MACC1: variants seen among roughly 807,000 people sequenced by gnomAD.
The protein encoded by MACC1 is MET transcriptional regulator MACC1, also known as metastasis-associated in colon cancer protein 1.
A neutral mutation model predicts 70.7 loss-of-function variants in MACC1; 79 were observed. The ratio of observed to expected loss-of-function variants is 1.12; its 90% confidence interval spans 0.93 to 1.35. The LOEUF (loss-of-function observed/expected upper bound fraction) is 1.35, where lower values mean the gene tolerates loss of function less well. Among genes scored for constraint, MACC1 ranks in the 40% most tolerant of loss-of-function variants. The pLI is 0.00. For synonymous variants in MACC1, 361 were observed against 347.2 expected (o/e 1.04, Z -0.44); for missense variants, 1,106 against 978.1 (o/e 1.13, Z -1.74).
chr7:20,191,114 C>T (rs1483979779), intron 1 of MACC1, among the ~76,000 whole-genome samples: 1 of 152,146 alleles, frequency 6.6e-6, no homozygotes, highest in Non-Finnish European at 1.5e-5. Context: ...ACTCCGAGTC[C>T]AGTAAGGCAG....
chr7:20,158,437 G>C lies in MACC1; in HGVS notation c.1924C>G (p.Pro642Ala). ...TAGATATAAGTCAATTTTTTTAAAG[G>C]CAGGACAATCTGTTCAAGAAGATTT... Reference protein sequence around the residue: ...TRNLLEQIVLPLKKLTYIYSV... With the variant: ...TRNLLEQIVLALKKLTYIYSV... Residue 642 changes from proline to alanine, a missense_variant, in exon 5 of 7, where the codon CCT (proline) becomes GCT (alanine). Transcript: ENST00000400331. 6.2e-7 allele frequency: 1 copy of C among 1,613,766 alleles called. No homozygotes were observed. Among genetic ancestry groups the C allele is most frequent in the African/African-American group, 1.3e-5 (1 of 75,016 alleles).
chr7:20,159,249 G>A lies in MACC1; in HGVS notation c.1112C>T (p.Ser371Leu). The A allele has an allele frequency of 6.2e-7, 1 of 1,613,846 alleles. No individual in the cohort carries two copies. The highest frequency in any genetic ancestry group is 8.5e-7 in the Non-Finnish European group (1 of 1,179,958). ...ATATTTGGGTCCATAAATTCCAATT[G>A]AGGTGGTTTTGTGGATATAATCCCA... is the stretch of plus-strand genomic sequence containing the variant. ...TIWDYIHKTT[S>L]IGIYGPKYIH... Residue 371 changes from serine (S) to leucine (L), a missense_variant, in exon 5 of 7, where the codon TCA becomes TTA. Coordinates refer to ENST00000400331, the MANE Select transcript of MACC1 (RefSeq NM_182762.4).
intron 1 of MACC1, among the ~76,000 whole-genome samples, chr7:20,203,150 G>C (rs1398872632): frequency 1.3e-5 from 2 of 151,912 alleles, no homozygotes; most frequent in East Asian, 3.8e-4. Context: ...AAAAGTCCTG[G>C]GTTATTTTAA....
At chr7:20,179,865 A>G (rs891311847) in intron 1 of MACC1, among the ~76,000 whole-genome samples, 1 of 152,288 alleles carries the variant, frequency 6.6e-6, no homozygotes, top group African/African-American at 2.4e-5. Context: ...TTTCACACAC[A>G]AAGTGTGGTA....
At chr7:20,188,212 G>T (rs1164822892) in intron 1 of MACC1, among the ~76,000 whole-genome samples, 1 of 152,170 alleles carries the variant, frequency 6.6e-6, no homozygotes, top group African/African-American at 2.4e-5. Context: ...CCAATTCAAG[G>T]TGAGATTTGG....
intron 1 of MACC1, among the ~76,000 whole-genome samples, chr7:20,189,602 C>T (rs1782641766): frequency 1.3e-5 from 2 of 152,058 alleles, no homozygotes; most frequent in African/African-American, 2.4e-5. Flanking sequence ...GAAAGAAATG[C>T]CAGCAACAGT....
chr7:20,140,462 T>C lies in MACC1; in HGVS notation c.*484A>G, dbSNP rs1249051588. 6.5e-6 allele frequency: 1 copy of C among 152,682 alleles called. No individual in the cohort carries two copies. The highest frequency in any genetic ancestry group is 1.5e-5 in the Non-Finnish European group (1 of 68,370). 9.5% of individuals were successfully genotyped at this position (152,682 alleles called of 1,614,324 possible). ...CAGCCGTGACTGGCCACAGGGTGTGTGCTTGCTTCCCCTCTTTCTAGCTGC... is the reference window on the plus strand; with the variant it reads ...CAGCCGTGACTGGCCACAGGGTGTGCGCTTGCTTCCCCTCTTTCTAGCTGC... On this transcript the variant is annotated 3_prime_UTR_variant, in exon 7 of 7. Transcript: ENST00000400331.
chr7:20,177,236 C>T (rs1279194120), intron 1 of MACC1, among the ~76,000 whole-genome samples: 2 of 152,152 alleles, frequency 1.3e-5, no homozygotes, highest in Non-Finnish European at 2.9e-5. Flanking sequence ...CACAGAATGT[C>T]TGAAATTAAA....
intron 1 of MACC1, among the ~76,000 whole-genome samples, chr7:20,194,371 G>T (rs1246205190): frequency 6.6e-6 from 1 of 152,154 alleles, no homozygotes; most frequent in Non-Finnish European, 1.5e-5. Flanking sequence ...TCCAAACATA[G>T]AAAACATGAC....
intron 1 of MACC1, among the ~76,000 whole-genome samples, chr7:20,206,713 G>C (rs1054281587): frequency 6.6e-6 from 1 of 152,162 alleles, no homozygotes; most frequent in African/African-American, 2.4e-5. Context: ...CATTGCTTAA[G>C]GAATTTCTCC....
chr7:20,158,335 G>A lies in MACC1; in HGVS notation c.2026C>T (p.Leu676=), dbSNP rs768993665. ...ATTTGATCAAAATCTTCCAGGGACA[G>A]ATGTGAGTAACCCAGGACATCAGCT... ...VLADVLGYSH[L]SLEDFDQIQA... The change falls in exon 5 of 7, where the codon CTG becomes TTG. Residue 676 remains leucine (L), a synonymous_variant. Coordinates refer to ENST00000400331, the MANE Select transcript of MACC1 (RefSeq NM_182762.4). The A allele has an allele frequency of 1.2e-6, 2 of 1,613,894 alleles. No individual in the cohort carries two copies. The highest frequency in any genetic ancestry group is 2.2e-5 in the East Asian group (1 of 44,856).
intron 1 of MACC1, among the ~76,000 whole-genome samples, chr7:20,172,527 T>G (rs182299154): frequency 2.0e-5 from 3 of 152,300 alleles, no homozygotes; most frequent in Non-Finnish European, 4.4e-5. Context: ...ATATTTGAGC[T>G]ATATAGGAAT....
Position 20,159,129 on chromosome 7 carries a change from T to A in MACC1, c.1232A>T (p.Asn411Ile). ...GAGCTGAAACACAACTGGAGATATG[T>A]TTTTTCCACCCTTCTTAATATCAGA... The part of the protein sequence containing the change: ...TISDIKKGGK[N>I]ISPVVFQLWG... Residue 411 changes from asparagine to isoleucine, a missense_variant, in exon 5 of 7, where the codon AAC (asparagine) becomes ATC (isoleucine). Physicochemically the swap from Asn to Ile is moderately radical, Grantham distance 149 (BLOSUM62 -3). Coordinates refer to ENST00000400331, the MANE Select transcript of MACC1 (RefSeq NM_182762.4). The A allele has an allele frequency of 6.2e-7, 1 of 1,613,868 alleles. No homozygotes were observed. Among genetic ancestry groups the A allele is most frequent in the African/African-American group, 1.3e-5 (1 of 75,026 alleles).
At chr7:20,169,841 G>A (rs754154227) in intron 2 of MACC1, among the ~76,000 whole-genome samples, 5 of 152,166 alleles carry the variant, frequency 3.3e-5, no homozygotes, top group Non-Finnish European at 7.4e-5. Flanking sequence ...AGGATCAAAT[G>A]AAATACTGTA....
intron 1 of MACC1, among the ~76,000 whole-genome samples, chr7:20,196,867 AC>A (rs2128107764): frequency 6.6e-6 from 1 of 152,228 alleles, no homozygotes; most frequent in South Asian, 2.1e-4. Flanking sequence ...CACAAACTTC[AC>A]CTCGCAGCCA....
At chr7:20,164,893 C>CT (rs5882730) in intron 2 of MACC1, among the ~76,000 whole-genome samples, 66,017 of 148,694 alleles carry the variant, frequency 0.44, 15,340 homozygotes, top group East Asian at 0.85. Flanking sequence ...TACCTAAACT[C>CT]TTTTTTTTTT....
At chr7:20,165,452 C>T (rs1782201450) in intron 2 of MACC1, among the ~76,000 whole-genome samples, 3 of 152,030 alleles carry the variant, frequency 2.0e-5, no homozygotes, top group Admixed American at 2.0e-4. Flanking sequence ...TAATCTTTCT[C>T]TACACAAACA....
Position 20,159,417 on chromosome 7 carries a change from C to T in MACC1, c.944G>A (p.Gly315Asp). ...MTEMVCLHSLGKEGPFKVLSN... is the reference protein window; with the variant it reads ...MTEMVCLHSLDKEGPFKVLSN... ...TAAAACTTTAAAAGGGCCTTCTTTA[C>T]CCAAGCTGTGTAAACACACCATTTC... The change falls in exon 5 of 7, where the codon GGT (glycine) becomes GAT (aspartate). Residue 315 changes from glycine (G) to aspartate (D), a missense_variant. Gly to Asp is a moderately conservative substitution (Grantham distance 94, BLOSUM62 -1). Transcript: ENST00000400331. 5 of 1,614,004 alleles carry T rather than the reference C, an allele frequency of 3.1e-6. No homozygotes were observed. Among genetic ancestry groups the T allele is most frequent in the Non-Finnish European group, 4.2e-6 (5 of 1,180,020 alleles).
Position 20,154,060 on chromosome 7 carries a change from G to A in MACC1, c.2346+133C>T, listed in dbSNP as rs1782019311. 5 of 816,550 alleles carry A rather than the reference G, an allele frequency of 6.1e-6. No homozygotes were observed. The East Asian group carries it at 1.0e-4, about 17-fold the overall frequency. The allele number at this position is 816,550 out of a possible 1,614,324, so 50.6% of individuals were successfully genotyped here. A position where few individuals can be genotyped will look rare whatever the true frequency, so the allele number is the denominator to read the frequency against. ...TTCAGATAGTACTGATGAGTTACTA[G>A]TGCAGTGATTCAGTTAGTGGATCAT... is the stretch of plus-strand genomic sequence containing the variant. On this transcript the variant is annotated intron_variant, in intron 6 of 6. Coordinates refer to ENST00000400331, the MANE Select transcript of MACC1 (RefSeq NM_182762.4).
Sources: allele counts gnomAD v4.1 joint callset (sites outside exome capture counted in the v4.1 genomes callset), GRCh38; gene constraint gnomAD v4.1.1; transcripts MANE v1.5; gene names NCBI Gene and HGNC (gene_info 2026-07-23, HGNC 2026-07-21).